Variants in TECPR2 observed in about 807,000 individuals in gnomAD.
TECPR2 encodes tectonin beta-propeller repeat-containing protein 2.
In TECPR2, 65 loss-of-function variants were observed where a neutral mutation model predicts 138.1. That is an observed-to-expected ratio of 0.47 (90% CI 0.39 to 0.58). The LOEUF (loss-of-function observed/expected upper bound fraction) is 0.58, where lower values mean the gene tolerates loss of function less well. Ranked by LOEUF, TECPR2 falls within the 20% of genes least tolerant of loss-of-function variation. TECPR2 has a pLI of 0.00. For missense variants in TECPR2, 1,553 were observed against 1,824.5 expected (o/e 0.85, Z 2.71); for synonymous variants, 746 against 749.8 (o/e 0.99, Z 0.08).
intron 2 of TECPR2, among the ~76,000 whole-genome samples, chr14:102,379,583 T>G (rs1486704394): frequency 6.7e-6 from 1 of 150,044 alleles, no homozygotes; most frequent in Non-Finnish European, 1.5e-5. Flanking sequence ...GGCACCCTAG[T>G]CACACTGCTG....
Position 102,497,248 on chromosome 14 carries a change from T to C in TECPR2, c.3931+128T>C, listed in dbSNP as rs112388067. ...TGTGCTGGGGCTGTGCTGTCGCCGC[T>C]GCTTCCTGGGCCAGGGGACAAGCCT... On this transcript the variant is annotated intron_variant, in intron 18 of 19. Coordinates refer to ENST00000359520, the MANE Select transcript of TECPR2 (RefSeq NM_014844.5). 7.5e-5 allele frequency: 105 copies of C among 1,399,810 alleles called. 3 individuals carry two copies. In the African/African-American group the frequency reaches 1.2e-3, roughly 16 times the overall value. The allele number at this position is 1,399,810 out of a possible 1,614,324, so 86.7% of individuals were successfully genotyped here. A position where few individuals can be genotyped will look rare whatever the true frequency, so the allele number is the denominator to read the frequency against.
At chr14:102,368,061 G>T (rs866631357) in intron 1 of TECPR2, among the ~76,000 whole-genome samples, 1 of 134,418 alleles carries the variant, frequency 7.4e-6, no homozygotes, top group Non-Finnish European at 1.5e-5. Context: ...AGGCTGGAGT[G>T]CAGTGGTGCG....
intron 2 of TECPR2, among the ~76,000 whole-genome samples, chr14:102,398,623 A>G (rs1477932347): frequency 6.6e-6 from 1 of 152,100 alleles, no homozygotes; most frequent in Non-Finnish European, 1.5e-5. Flanking sequence ...GCACTTTGGG[A>G]GGACAAGGCA....
intron 2 of TECPR2, among the ~76,000 whole-genome samples, chr14:102,394,904 C>T (rs1034111856): frequency 6.6e-6 from 1 of 152,128 alleles, no homozygotes; most frequent in Admixed American, 6.6e-5. Context: ...TTAGCCTGAG[C>T]TATTGTGAAA....
intron 13 of TECPR2, 50 bp downstream of exon 13, chr14:102,445,997 C>G: frequency 3.2e-6 from 5 of 1,558,112 alleles, no homozygotes; most frequent in Non-Finnish European, 4.4e-6. Flanking sequence ...ACCTTTTCTG[C>G]TTCCCCTTTT....
chr14:102,420,155 C>T lies in TECPR2; in HGVS notation c.639-4824C>T, dbSNP rs1889139923. Reference sequence around the variant, plus strand: ...CCATTTTATAGCTAGAATTTGTTAGCCAGAACACACTCCTTACATATCAAC... The same window carrying T: ...CCATTTTATAGCTAGAATTTGTTAGTCAGAACACACTCCTTACATATCAAC... On this transcript the variant is annotated intron_variant, in intron 5 of 19. Transcript: ENST00000359520. This position sits in a 1 kb window ranked among gnomAD's most constrained non-coding sequence, Gnocchi z 4.1. 6.6e-6 allele frequency among the ~76,000 whole-genome samples: 1 copy of T among 152,080 alleles called. No homozygotes were observed. Among genetic ancestry groups the T allele is most frequent in the South Asian group, 2.1e-4 (1 of 4,826 alleles).
chr14:102,464,862 G>A (rs1166124721), intron 16 of TECPR2, among the ~76,000 whole-genome samples: 1 of 152,174 alleles, frequency 6.6e-6, no homozygotes, highest in Non-Finnish European at 1.5e-5. Context: ...TGACTGCTTT[G>A]CCTGTTGCCT....
intron 1 of TECPR2, among the ~76,000 whole-genome samples, chr14:102,363,858 A>G (rs772519509): frequency 2.0e-5 from 3 of 152,196 alleles, no homozygotes; most frequent in Non-Finnish European, 4.4e-5. Context: ...CTGCCGCTGT[A>G]CATTTCAGTA....
At chr14:102,366,670 CTA>C (rs1887355215) in intron 1 of TECPR2, among the ~76,000 whole-genome samples, 1 of 152,176 alleles carries the variant, frequency 6.6e-6, no homozygotes. Context: ...TGGATTGAGA[CTA>C]TTGTTTTGCA....
chr14:102,395,331 T>C (rs1176437952), intron 2 of TECPR2, among the ~76,000 whole-genome samples: 1 of 152,234 alleles, frequency 6.6e-6, no homozygotes, highest in Non-Finnish European at 1.5e-5. Flanking sequence ...TTGATTACTA[T>C]ATAAATTACT....
At chr14:102,482,833 C>G (rs1457672661) in intron 17 of TECPR2, among the ~76,000 whole-genome samples, 2 of 145,896 alleles carry the variant, frequency 1.4e-5, no homozygotes, top group African/African-American at 5.1e-5. Flanking sequence ...AAGCCAGAAG[C>G]CTTTCTTTTT....
intron 12 of TECPR2, among the ~76,000 whole-genome samples, chr14:102,445,358 CA>C (rs1251067497): frequency 2.0e-5 from 3 of 151,680 alleles, no homozygotes. Flanking sequence ...TGGAGGCGCT[CA>C]GGGGCCTTGG....
rs576877132 is a variant in TECPR2, at chr14:102,500,284, G to A, written c.*2027G>A. ...CCCAGCCCCACCACAGGGAGAGTGC[G>A]TCAGCAGACCTGTCCTGGCCTGGCT... On this transcript the variant is annotated 3_prime_UTR_variant, in exon 20 of 20. Coordinates refer to ENST00000359520, the MANE Select transcript of TECPR2 (RefSeq NM_014844.5). 5.9e-5 allele frequency: 9 copies of A among 152,604 alleles called. No homozygotes were observed. Among genetic ancestry groups the A allele is most frequent in the South Asian group, 2.1e-4 (1 of 4,832 alleles). 9.5% of individuals were successfully genotyped at this position (152,604 alleles called of 1,614,324 possible). A position where few individuals can be genotyped will look rare whatever the true frequency, so the allele number is the denominator to read the frequency against.
chr14:102,426,907 A>G (rs1480831883), intron 6 of TECPR2, among the ~76,000 whole-genome samples: 1 of 152,196 alleles, frequency 6.6e-6, no homozygotes, highest in Admixed American at 6.5e-5. Flanking sequence ...TCAGCAGAAC[A>G]TGAAGTTCAT....
intron 2 of TECPR2, among the ~76,000 whole-genome samples, chr14:102,390,645 G>C (rs895080106): frequency 6.6e-6 from 1 of 152,080 alleles, no homozygotes; most frequent in African/African-American, 2.4e-5. Context: ...TGATCCCGCT[G>C]GTGTGGCTGG....
chr14:102,413,134 C>CT (rs1036499591), intron 4 of TECPR2, among the ~76,000 whole-genome samples: 1 of 151,822 alleles, frequency 6.6e-6, no homozygotes, highest in African/African-American at 2.4e-5. Flanking sequence ...ATGGAAATTT[C>CT]TTTATCTTGA....
chr14:102,432,455 G>A (rs1404563383), intron 8 of TECPR2, among the ~76,000 whole-genome samples: 7 of 151,950 alleles, frequency 4.6e-5, no homozygotes, highest in South Asian at 2.1e-4. Flanking sequence ...AGTTTCGCTC[G>A]TCGCCCAGGC....
At chr14:102,421,274 G>A (rs1842187356) in intron 5 of TECPR2, among the ~76,000 whole-genome samples, 1 of 152,202 alleles carries the variant, frequency 6.6e-6, no homozygotes, top group African/African-American at 2.4e-5. Context: ...CTATTTAGAG[G>A]ACATCTCCAG....
At chr14:102,375,438 G>T (rs961730963) in intron 1 of TECPR2, among the ~76,000 whole-genome samples, 1 of 152,118 alleles carries the variant, frequency 6.6e-6, no homozygotes, top group South Asian at 2.1e-4. Flanking sequence ...ATCAAGTACG[G>T]CCTCATGAAA....
Sources: allele counts gnomAD v4.1 joint callset (sites outside exome capture counted in the v4.1 genomes callset), GRCh38; gene constraint gnomAD v4.1.1; non-coding constraint Gnocchi (gnomAD v3.1); transcripts MANE v1.5; gene names NCBI Gene and HGNC (gene_info 2026-07-23, HGNC 2026-07-21).